Variants in SUMF1 observed in about 807,000 individuals in gnomAD.
SUMF1 encodes the protein sulfatase modifying factor 1, also known as formylglycine-generating enzyme.
In SUMF1, 48 loss-of-function variants were observed where a neutral mutation model predicts 47.6. That is an observed-to-expected ratio of 1.01 (90% confidence interval 0.80 to 1.28). The LOEUF is 1.28. Ranked by LOEUF, SUMF1 falls within the 50% of genes most tolerant of loss-of-function variation. The pLI, the probability that SUMF1 is intolerant of heterozygous loss-of-function variation, is 0.00. For synonymous variants in SUMF1, 230 were observed against 192.1 expected (o/e 1.20, Z -1.63); for missense variants, 571 against 485.4 (o/e 1.18, Z -1.66).
intron 8 of SUMF1, among the ~76,000 whole-genome samples, chr3:4,115,203 T>C (rs1693394808): frequency 6.6e-6 from 1 of 151,962 alleles, no homozygotes; most frequent in Non-Finnish European, 1.5e-5. Flanking sequence ...CAGGACGACA[T>C]GGAATTCGGC....
At chr3:4,070,068 A>G (rs1008906216) in intron 8 of SUMF1, among the ~76,000 whole-genome samples, 5 of 152,182 alleles carry the variant, frequency 3.3e-5, no homozygotes, top group Admixed American at 1.3e-4. Context: ...TAACCTGAAC[A>G]TTCCTTTCCA....
intron 9 of SUMF1, among the ~76,000 whole-genome samples, chr3:4,042,376 C>T (rs946839712): frequency 3.9e-5 from 6 of 151,914 alleles, no homozygotes; most frequent in Non-Finnish European, 2.9e-5. Flanking sequence ...TAAATAGAGC[C>T]ACAGAAGTCC....
chr3:4,207,380 T>C (rs1000797364), intron 8 of SUMF1, among the ~76,000 whole-genome samples: 14 of 152,182 alleles, frequency 9.2e-5, no homozygotes, highest in African/African-American at 2.7e-4. Flanking sequence ...ATAAAAGTGA[T>C]GAGAAGAGAC....
intron 8 of SUMF1, among the ~76,000 whole-genome samples, chr3:4,325,482 G>C (rs1361193785): frequency 1.3e-5 from 2 of 152,148 alleles, no homozygotes; most frequent in Non-Finnish European, 2.9e-5. Context: ...GTACTACTGA[G>C]AAGTCCATAC....
At chr3:4,075,046 A>T (rs867913189) in intron 8 of SUMF1, among the ~76,000 whole-genome samples, 11 of 152,164 alleles carry the variant, frequency 7.2e-5, no homozygotes, top group Admixed American at 3.3e-4. Context: ...AACAAAAAAA[A>T]GGGAATTTTA....
chr3:4,088,796 C>T (rs1402209041), intron 8 of SUMF1, among the ~76,000 whole-genome samples: 2 of 152,130 alleles, frequency 1.3e-5, no homozygotes, highest in East Asian at 3.9e-4. Context: ...TTGGCCATCC[C>T]GATCAATTTC....
chr3:4,071,067 T>C (rs1291659668), intron 8 of SUMF1, among the ~76,000 whole-genome samples: 1 of 152,166 alleles, frequency 6.6e-6, no homozygotes, highest in Non-Finnish European at 1.5e-5. Context: ...ATAATACATA[T>C]ATATTTGTAT....
chr3:4,067,066 A>G (rs947079942), intron 9 of SUMF1, among the ~76,000 whole-genome samples: 1 of 151,916 alleles, frequency 6.6e-6, no homozygotes, highest in African/African-American at 2.4e-5. Flanking sequence ...GAATGCAGTG[A>G]CCCCTTTTCT....
intron 8 of SUMF1, among the ~76,000 whole-genome samples, chr3:4,336,647 G>A (rs1420287173): frequency 6.6e-6 from 1 of 152,078 alleles, no homozygotes; most frequent in Non-Finnish European, 1.5e-5. Context: ...CAAATTATAT[G>A]GAAAAATATA....
intron 8 of SUMF1, among the ~76,000 whole-genome samples, chr3:4,336,982 G>A (rs1003092105): frequency 1.3e-5 from 2 of 151,994 alleles, no homozygotes; most frequent in African/African-American, 4.8e-5. Context: ...GCAAACTGCT[G>A]ATCCCACGAA....
chr3:4,248,365 T>C (rs998422487), intron 8 of SUMF1, among the ~76,000 whole-genome samples: 1 of 152,216 alleles, frequency 6.6e-6, no homozygotes, highest in East Asian at 1.9e-4. Flanking sequence ...GAAGCTTTGC[T>C]GTATATTAAA....
At chr3:4,189,914 C>G (rs1443584809) in intron 8 of SUMF1, among the ~76,000 whole-genome samples, 1 of 152,156 alleles carries the variant, frequency 6.6e-6, no homozygotes, top group African/African-American at 2.4e-5. Flanking sequence ...TGTAAAGTGT[C>G]TGCTTTCATC....
rs534044916 is a variant in SUMF1 at position 4,419,983 on chromosome 3, C to A, written c.602+81G>T. 197 of 1,076,054 alleles carry A rather than the reference C, an allele frequency of 1.8e-4. 5 individuals are homozygous for A. The Middle Eastern group carries it at 4.0e-3, about 22-fold the overall frequency. The allele number at this position is 1,076,054 out of a possible 1,614,324, so 66.7% of individuals were successfully genotyped here. ...CTTATCATTTTATAGATGAAGATGC[C>A]CACTGAGTTCTTTTGCAAGAGCAAA... On this transcript the variant is annotated intron_variant, in intron 4 of 8. Coordinates refer to ENST00000272902, the MANE Select transcript of SUMF1 (RefSeq NM_182760.4).
intron 8 of SUMF1, among the ~76,000 whole-genome samples, chr3:4,204,281 T>C (rs765717938): frequency 6.6e-6 from 1 of 152,154 alleles, no homozygotes; most frequent in Non-Finnish European, 1.5e-5. Flanking sequence ...TTTTTTTATC[T>C]TTAGCACTTT....
intron 1 of SUMF1, among the ~76,000 whole-genome samples, chr3:4,455,574 G>C (rs774172605): frequency 6.6e-6 from 1 of 152,054 alleles, no homozygotes; most frequent in African/African-American, 2.4e-5. Context: ...AAAATTAGCC[G>C]GGTGTTGTGG....
At chr3:4,178,728 T>C (rs971879005) in intron 8 of SUMF1, among the ~76,000 whole-genome samples, 7 of 152,112 alleles carry the variant, frequency 4.6e-5, no homozygotes, top group Non-Finnish European at 7.4e-5. Context: ...GGGTATTCAA[T>C]TAGGAAATGA....
chr3:4,135,347 A>T (rs1397089481), intron 8 of SUMF1, among the ~76,000 whole-genome samples: 1 of 152,174 alleles, frequency 6.6e-6, no homozygotes, highest in Non-Finnish European at 1.5e-5. Flanking sequence ...GTAATCCAGC[A>T]TATAAACAGA....
chr3:4,233,747 G>A (rs1325987872), intron 8 of SUMF1, among the ~76,000 whole-genome samples: 2 of 152,142 alleles, frequency 1.3e-5, no homozygotes, highest in African/African-American at 4.8e-5. Context: ...ACCTATGTGA[G>A]TTAGGTAAGG....
chr3:4,294,060 T>C (rs1383886566), intron 8 of SUMF1, among the ~76,000 whole-genome samples: 1 of 152,162 alleles, frequency 6.6e-6, no homozygotes, highest in Non-Finnish European at 1.5e-5. Context: ...ACCTAATCTA[T>C]TGGAATTTCA....
Sources: allele counts gnomAD v4.1 joint callset (sites outside exome capture counted in the v4.1 genomes callset), GRCh38; gene constraint gnomAD v4.1.1; transcripts MANE v1.5; gene names NCBI Gene and HGNC (gene_info 2026-07-23, HGNC 2026-07-21).